P4HTM: variants seen among roughly 807,000 people sequenced by gnomAD.
The protein encoded by P4HTM is transmembrane prolyl 4-hydroxylase.
In P4HTM, 33 loss-of-function variants were observed where a neutral mutation model predicts 55.3. The observed-to-expected ratio is 0.60, with a 90% CI of 0.45 to 0.80. P4HTM has a LOEUF of 0.80. Among genes scored for constraint, P4HTM ranks in the 30% least tolerant of loss-of-function variants. The pLI is 0.00. For synonymous variants in P4HTM, 272 were observed against 286.4 expected (o/e 0.95, Z 0.51); for missense variants, 542 against 696.5 (o/e 0.78, Z 2.50).
rs755958993 is a variant in P4HTM, at chr3:49,005,912, T to C, written c.1164+45T>C. The C allele has an allele frequency of 5.9e-6, 9 of 1,532,832 alleles. No homozygotes were observed. In the South Asian group the frequency reaches 1.1e-4, roughly 19 times the overall value. The allele number at this position is 1,532,832 out of a possible 1,614,324, so 95.0% of individuals were successfully genotyped here. On this transcript the variant is annotated intron_variant, in intron 7 of 8. Transcript: ENST00000383729. Reference sequence around the variant, plus strand: ...TTACTCTTGTGGGCTGGCAGGGGCTTAGACAAGTGAAGTACACACCTCTCC... The same window carrying C: ...TTACTCTTGTGGGCTGGCAGGGGCTCAGACAAGTGAAGTACACACCTCTCC...
At position 49,005,694 on chromosome 3, in the gene P4HTM, C is replaced by CT. The variant is rs1448994305; in HGVS notation, c.1074-82dup. On this transcript the variant is annotated intron_variant, in intron 6 of 8. Transcript: ENST00000383729. The stretch of plus-strand genomic sequence containing the variant: ...TGTCCTGGTCCCTGGCAACAGGAAC[C>CT]TGGGCAGCTTATCCTGCCCACAGGT... The CT allele has an allele frequency of 3.3e-6, 5 of 1,502,192 alleles. No homozygotes were observed. The Admixed American group carries it at 9.4e-5, about 28-fold the overall frequency. 93.1% of individuals were successfully genotyped at this position (1,502,192 alleles called of 1,614,324 possible).
upstream of P4HTM, chr3:48,990,223 C>G (rs902148210): frequency 1.7e-6 from 2 of 1,163,026 alleles, no homozygotes; most frequent in African/African-American, 3.2e-5. The surrounding 1 kb of genome is among the most constrained non-coding windows in gnomAD (Gnocchi z 7.2). Flanking sequence ...ACCCCCGCGG[C>G]CCCTCCCCTG....
At chr3:49,005,155 T>C (rs1378384281) in intron 6 of P4HTM, 109 bp downstream of exon 6, 1 of 1,609,404 alleles carries the variant, frequency 6.2e-7, no homozygotes, top group South Asian at 1.1e-5. Flanking sequence ...GGCCAGGAGA[T>C]CACTGGGTTA....
chr3:49,004,942 C>A lies in P4HTM; in HGVS notation c.969C>A (p.Gly323=), dbSNP rs982321863. Residue 323 remains glycine, a synonymous_variant, in exon 6 of 9, where the codon GGC becomes GGA. Transcript: ENST00000383729. ...AGGTTGTTCGATATGGTGAGGGGGG[C>A]CACTACCATGCCCACGTGGACAGTG... The part of the protein sequence containing the change: ...PLQVVRYGEG[G]HYHAHVDSGP... 1.2e-6 allele frequency: 2 copies of A among 1,613,874 alleles called. No individual in the cohort carries two copies. Among genetic ancestry groups the A allele is most frequent in the Non-Finnish European group, 1.7e-6 (2 of 1,179,948 alleles).
chr3:49,004,934 G>A lies in P4HTM; in HGVS notation c.961G>A (p.Glu321Lys). The A allele has an allele frequency of 6.2e-7, 1 of 1,613,898 alleles. No individual in the cohort carries two copies. Among genetic ancestry groups the A allele is most frequent in the Non-Finnish European group, 8.5e-7 (1 of 1,179,990 alleles). ...SEPLQVVRYGEGGHYHAHVDS... is the reference protein window; with the variant it reads ...SEPLQVVRYGKGGHYHAHVDS... ...GCCGCTGCAGGTTGTTCGATATGGT[G>A]AGGGGGGCCACTACCATGCCCACGT... The change falls in exon 6 of 9, where the codon GAG becomes AAG. Residue 321 changes from glutamate to lysine, a missense_variant. Glu to Lys is a moderately conservative substitution (Grantham distance 56, BLOSUM62 1). This residue lies in a region of P4HTM where 536 missense variants were observed against 672.1 expected (regional missense o/e 0.80). Coordinates refer to ENST00000383729, the MANE Select transcript of P4HTM (RefSeq NM_177939.3).
Position 49,002,435 on chromosome 3 carries a change from C to A in P4HTM, c.628-65C>A. On this transcript the variant is annotated intron_variant, in intron 3 of 8. Coordinates refer to ENST00000383729, the MANE Select transcript of P4HTM (RefSeq NM_177939.3). The surrounding 1 kb of genome is among the most constrained non-coding windows in gnomAD (Gnocchi z 4.4). ...ACTTTGCTCCACAACAAGCACTGGGCCATCTGTTCTCTGCTGGCTCTCCAT... is the reference window on the plus strand; with the variant it reads ...ACTTTGCTCCACAACAAGCACTGGGACATCTGTTCTCTGCTGGCTCTCCAT... 2 of 1,151,704 alleles carry A rather than the reference C, an allele frequency of 1.7e-6. No individual in the cohort carries two copies. The highest frequency in any genetic ancestry group is 1.3e-5 in the South Asian group (1 of 77,808). The allele number at this position is 1,151,704 out of a possible 1,614,324, so 71.3% of individuals were successfully genotyped here.
Position 48,990,535 on chromosome 3 carries a change from C to A in P4HTM, c.279C>A (p.Pro93=). ...HYSNGDESSD[P]GPQHRAQGPG... is the part of the protein sequence containing the mutation. ...GCAACGGCGACGAAAGCAGCGATCC[C>A]GGGCCCCAACACCGTGCCCAGGGCC... The change falls in exon 1 of 9, where the codon CCC becomes CCA. Residue 93 remains proline, a synonymous_variant. Coordinates refer to ENST00000383729, the MANE Select transcript of P4HTM (RefSeq NM_177939.3). The surrounding 1 kb of genome is among the most constrained non-coding windows in gnomAD (Gnocchi z 7.2). 1 of 1,610,686 alleles carries A rather than the reference C, an allele frequency of 6.2e-7. No homozygotes were observed. The highest frequency in any genetic ancestry group is 1.1e-5 in the South Asian group (1 of 90,892).
At chr3:48,996,602 C>T (rs1171114774) in intron 2 of P4HTM, among the ~76,000 whole-genome samples, 7 of 152,274 alleles carry the variant, frequency 4.6e-5, no homozygotes, top group African/African-American at 1.4e-4. Context: ...CCTCGTGATC[C>T]GCCTGCCTCA....
rs746567380 is a variant in P4HTM, at chr3:48,990,392, G to A, written c.136G>A (p.Val46Met). The A allele has an allele frequency of 1.9e-6, 3 of 1,593,648 alleles. 1 individual carries two copies. In the South Asian group the frequency reaches 3.3e-5, roughly 18 times the overall value. ...GCTGGGCGACGGCGAGGACGCACCG[G>A]TGCGTCCGCTGTGCAAGCCCCGCGG... ...AGLGDGEDAP[V>M]RPLCKPRGIC... is the part of the protein sequence containing the mutation. Residue 46 changes from valine (V) to methionine (M), a missense_variant, in exon 1 of 9, where the codon GTG (valine) becomes ATG (methionine). Physicochemically the swap from Val to Met is conservative, Grantham distance 21 (BLOSUM62 1). This residue lies in a region of P4HTM where 536 missense variants were observed against 672.1 expected (regional missense o/e 0.80). Coordinates refer to ENST00000383729, the MANE Select transcript of P4HTM (RefSeq NM_177939.3). The surrounding 1 kb of genome is among the most constrained non-coding windows in gnomAD (Gnocchi z 7.2).
chr3:49,003,052 C>T, intron 4 of P4HTM: 1 of 315,942 alleles, frequency 3.2e-6, no homozygotes, highest in Non-Finnish European at 6.2e-6. Context: ...TCCTCTTGTC[C>T]ACCTGGAGTC....
Position 48,990,437 on chromosome 3 carries a change from T to A in P4HTM, c.181T>A (p.Phe61Ile). The change falls in exon 1 of 9, where the codon TTC becomes ATC. Residue 61 changes from phenylalanine (F) to isoleucine (I), a missense_variant. Physicochemically the swap from Phe to Ile is conservative, Grantham distance 21. This residue lies in a region of P4HTM where 536 missense variants were observed against 672.1 expected (regional missense o/e 0.80). Transcript: ENST00000383729. This position sits in a 1 kb window ranked among gnomAD's most constrained non-coding sequence, Gnocchi z 7.2. ...CCGCGGCATCTGCTCGCGCGCCTAC[T>A]TCCTGGTGCTGATGGTGTTCGTGCA... The part of the protein sequence containing the change: ...KPRGICSRAY[F>I]LVLMVFVHLY... 6.2e-7 allele frequency: 1 copy of A among 1,607,892 alleles called. No homozygotes were observed. The highest frequency in any genetic ancestry group is 8.5e-7 in the Non-Finnish European group (1 of 1,178,346).
At position 49,006,117 on chromosome 3, in the gene P4HTM, G is replaced by T. The variant is rs1288414281; in HGVS notation, c.1218G>T (p.Lys406Asn). ...GTGACACACGGAGGCACTGTGACAAGGGAAACCTGCGTGTCAAGCCCCAAC... is the reference window on the plus strand; with the variant it reads ...GTGACACACGGAGGCACTGTGACAATGGAAACCTGCGTGTCAAGCCCCAAC... ...DLRDTRRHCD[K>N]GNLRVKPQQG... is the part of the protein sequence containing the mutation. Residue 406 changes from lysine (K) to asparagine (N), a missense_variant, in exon 8 of 9, where the codon AAG becomes AAT. Physicochemically the swap from Lys to Asn is moderately conservative, Grantham distance 94 (BLOSUM62 0). This residue lies in a region of P4HTM where 536 missense variants were observed against 672.1 expected (regional missense o/e 0.80). Coordinates refer to ENST00000383729, the MANE Select transcript of P4HTM (RefSeq NM_177939.3). 1 of 1,612,920 alleles carries T rather than the reference G, an allele frequency of 6.2e-7. No individual in the cohort carries two copies. Among genetic ancestry groups the T allele is most frequent in the African/African-American group, 1.3e-5 (1 of 74,920 alleles).
At chr3:48,995,186 A>C (rs1180936369) in intron 2 of P4HTM, among the ~76,000 whole-genome samples, 4 of 151,736 alleles carry the variant, frequency 2.6e-5, no homozygotes, top group African/African-American at 9.7e-5. Flanking sequence ...CGCCTCTTAG[A>C]CTCATCTCCT....
intron 2 of P4HTM, chr3:49,000,968 T>C: frequency 4.2e-6 from 1 of 237,508 alleles, no homozygotes; most frequent in Non-Finnish European, 8.4e-6. Context: ...GGGAAGGCCC[T>C]TGGACTGGCC....
Position 49,001,778 on chromosome 3 carries a change from T to C in P4HTM, c.627+150T>C, listed in dbSNP as rs2092962027. ...GCATGCCCAGACCCAGGAGGTCCCC[T>C]TTCCCTCTGGAGAGCTCTTGGCTAC... On this transcript the variant is annotated intron_variant, in intron 3 of 8. Coordinates refer to ENST00000383729, the MANE Select transcript of P4HTM (RefSeq NM_177939.3). 4.4e-6 allele frequency: 3 copies of C among 675,204 alleles called. No individual in the cohort carries two copies. The South Asian group carries it at 5.8e-5, about 13-fold the overall frequency. 41.8% of individuals were successfully genotyped at this position (675,204 alleles called of 1,614,324 possible). A position where few individuals can be genotyped will look rare whatever the true frequency, so the allele number is the denominator to read the frequency against.
At chr3:49,004,646 A>C in intron 5 of P4HTM, 1 of 590,904 alleles carries the variant, frequency 1.7e-6, no homozygotes, top group East Asian at 2.8e-5. Context: ...ACATTTCCAC[A>C]TAGCAGGTGT....
chr3:48,990,970 T>G lies in P4HTM; in HGVS notation c.436+56T>G. ...CAGGGGCTGCGGTTTGGTGGCCACC[T>G]TGAGGCTCGTTGTGACCACGTGACC... On this transcript the variant is annotated intron_variant, in intron 2 of 8. Transcript: ENST00000383729. This position sits in a 1 kb window ranked among gnomAD's most constrained non-coding sequence, Gnocchi z 7.2. The G allele has an allele frequency of 7.6e-7, 1 of 1,323,552 alleles. No individual in the cohort carries two copies. The highest frequency in any genetic ancestry group is 1.1e-6 in the Non-Finnish European group (1 of 924,920). 82.0% of individuals were successfully genotyped at this position (1,323,552 alleles called of 1,614,324 possible).
intron 2 of P4HTM, among the ~76,000 whole-genome samples, chr3:48,992,847 A>G (rs181024857): frequency 1.0e-3 from 153 of 150,796 alleles, no homozygotes; most frequent in Non-Finnish European, 1.9e-3. Flanking sequence ...TTGCATTTTT[A>G]GTAGAGACGG....
At chr3:49,005,698 GCAGCTTATCCTGCCCACAGGT>G (rs1445937966) in intron 6 of P4HTM, 58 bp from the exon 7 acceptor site, 1 of 1,504,090 alleles carries the variant, frequency 6.6e-7, no homozygotes, top group African/African-American at 1.4e-5. Context: ...AGGAACCTGG[GCAGCTTATCCTGCCCACAGGT>G]AAGCCCCTGG....
Sources: allele counts gnomAD v4.1 joint callset (sites outside exome capture counted in the v4.1 genomes callset), GRCh38; gene constraint gnomAD v4.1.1; regional missense constraint gnomAD v4.1.1; non-coding constraint Gnocchi (gnomAD v3.1); transcripts MANE v1.5; gene names NCBI Gene and HGNC (gene_info 2026-07-23, HGNC 2026-07-21).